Variants in LINGO2 observed in about 807,000 individuals in gnomAD.
The protein encoded by LINGO2 is leucine rich repeat and Ig domain containing 2, also known as leucine-rich repeat and immunoglobulin-like domain-containing nogo receptor-interacting protein 2.
A neutral mutation model predicts 30.6 loss-of-function variants in LINGO2; 14 were observed. The ratio of observed to expected loss-of-function variants is 0.46; its 90% CI spans 0.30 to 0.72. The LOEUF is 0.72. Among genes scored for constraint, LINGO2 ranks in the 30% least tolerant of loss-of-function variants. LINGO2 has a pLI of 0.07. For synonymous variants in LINGO2, 317 were observed against 288.5 expected (o/e 1.10, Z -1.00); for missense variants, 729 against 751.7 (o/e 0.97, Z 0.35).
chr9:27,979,357 G>A (rs114938814), intron 5 of LINGO2, among the ~76,000 whole-genome samples: 435 of 151,988 alleles, frequency 2.9e-3, no homozygotes, highest in African/African-American at 9.8e-3. Flanking sequence ...ACATGTATGG[G>A]AAGAAAATTC....
intron 1 of LINGO2, among the ~76,000 whole-genome samples, chr9:28,632,647 CAT>C (rs1474273328): frequency 8.7e-6 from 1 of 115,368 alleles, no homozygotes; most frequent in Admixed American, 9.9e-5. Flanking sequence ...TATATATTTA[CAT>C]AGATATTTTA....
At chr9:29,089,181 T>C in the LINGO2 span, among the ~76,000 whole-genome samples, 1 of 151,912 alleles carries the variant, frequency 6.6e-6, no homozygotes, top group African/African-American at 2.4e-5. Flanking sequence ...GCTTACACTA[T>C]GGTGTGCTTT....
chr9:29,151,348 A>G, the LINGO2 span, among the ~76,000 whole-genome samples: 2 of 152,210 alleles, frequency 1.3e-5, no homozygotes, highest in Admixed American at 6.5e-5. Flanking sequence ...ACTATAAAAT[A>G]AAGTCTACAA....
intron 2 of LINGO2, among the ~76,000 whole-genome samples, chr9:28,467,037 G>C (rs199876167): frequency 2.8e-4 from 41 of 145,894 alleles, no homozygotes; most frequent in Middle Eastern, 3.6e-3. Flanking sequence ...TTTTTTTTTG[G>C]GGGGGGGGGA....
intron 1 of LINGO2, among the ~76,000 whole-genome samples, chr9:28,596,694 T>TATCA (rs1448797801): frequency 6.6e-6 from 1 of 152,236 alleles, no homozygotes; most frequent in Non-Finnish European, 1.5e-5. Context: ...CAATGTATGA[T>TATCA]ATCAATGCCT....
chr9:28,931,755 T>A, the LINGO2 span, among the ~76,000 whole-genome samples: 1 of 152,206 alleles, frequency 6.6e-6, no homozygotes. Flanking sequence ...ATGCAAAATG[T>A]ATTTATGTTG....
At chr9:28,942,084 G>T in the LINGO2 span, among the ~76,000 whole-genome samples, 2 of 152,042 alleles carry the variant, frequency 1.3e-5, no homozygotes, top group Non-Finnish European at 2.9e-5. Flanking sequence ...CATACCCTGG[G>T]AAGTAAGGAC....
chr9:29,122,018 G>C, the LINGO2 span, among the ~76,000 whole-genome samples: 2 of 151,952 alleles, frequency 1.3e-5, no homozygotes, highest in Non-Finnish European at 2.9e-5. Context: ...GGAAACTTAA[G>C]GGTAGAAACT....
intron 4 of LINGO2, among the ~76,000 whole-genome samples, chr9:28,054,877 T>C (rs1294705845): frequency 6.6e-6 from 1 of 152,112 alleles, no homozygotes; most frequent in African/African-American, 2.4e-5. Context: ...TGGAGCCTTT[T>C]CAAATATCCA....
the LINGO2 span, among the ~76,000 whole-genome samples, chr9:28,934,998 C>G: frequency 6.6e-6 from 1 of 152,024 alleles, no homozygotes; most frequent in African/African-American, 2.4e-5. Flanking sequence ...GCTTGATAAT[C>G]AATTTCTTTA....
chr9:28,929,659 C>T, the LINGO2 span, among the ~76,000 whole-genome samples: 2 of 152,244 alleles, frequency 1.3e-5, no homozygotes, highest in East Asian at 1.9e-4. Flanking sequence ...TTCTTTCCCC[C>T]ATGACATCAT....
At chr9:28,702,989 T>G in the LINGO2 span, among the ~76,000 whole-genome samples, 8,908 of 151,838 alleles carry the variant, frequency 0.059, 418 homozygotes, top group Admixed American at 0.18. Context: ...ACCTCTTTCA[T>G]TCCTGACATA....
intron 1 of LINGO2, among the ~76,000 whole-genome samples, chr9:28,515,314 C>T (rs1294039329): frequency 2.0e-5 from 3 of 151,096 alleles, no homozygotes; most frequent in Non-Finnish European, 2.9e-5. Flanking sequence ...TCATGCCATT[C>T]TCCTGCCTCA....
intron 1 of LINGO2, among the ~76,000 whole-genome samples, chr9:28,548,818 A>G (rs1280166350): frequency 1.3e-5 from 2 of 151,852 alleles, no homozygotes; most frequent in Non-Finnish European, 2.9e-5. Context: ...ATGTAGACAC[A>G]TGAAGTTGTT....
chr9:29,159,887 T>C, the LINGO2 span, among the ~76,000 whole-genome samples: 17 of 152,080 alleles, frequency 1.1e-4, no homozygotes, highest in African/African-American at 3.9e-4. Context: ...ATTCAATAGT[T>C]CAGAAATTTC....
intron 1 of LINGO2, among the ~76,000 whole-genome samples, chr9:28,580,868 C>A (rs1404687844): frequency 6.6e-6 from 1 of 151,904 alleles, no homozygotes; most frequent in African/African-American, 2.4e-5. Flanking sequence ...TTTCACTTAG[C>A]AGTAGTGGGT....
chr9:28,016,849 G>A (rs1002332228), intron 4 of LINGO2, among the ~76,000 whole-genome samples: 18 of 151,794 alleles, frequency 1.2e-4, no homozygotes, highest in African/African-American at 4.4e-4. Context: ...TATCAAATCA[G>A]GAACCTAATA....
the LINGO2 span, among the ~76,000 whole-genome samples, chr9:28,732,963 C>T: frequency 6.6e-6 from 1 of 152,128 alleles, no homozygotes; most frequent in Non-Finnish European, 1.5e-5. Context: ...GTGTATGTTC[C>T]TCAAATGAAG....
chr9:29,002,234 T>C, the LINGO2 span, among the ~76,000 whole-genome samples: 1 of 152,086 alleles, frequency 6.6e-6, no homozygotes, highest in Non-Finnish European at 1.5e-5. Context: ...CTAGTGTCTT[T>C]TAATTTTCTC....
Sources: gnomAD v4.1 joint callset for allele counts (sites outside exome capture counted in the v4.1 genomes callset) on GRCh38, gnomAD v4.1.1 for gene constraint, MANE v1.5 for transcripts, NCBI Gene and HGNC (gene_info 2026-07-23, HGNC 2026-07-21) for gene names.